The following CAD variants were observed in gnomAD, a reference collection of about 807,000 sequenced individuals.
CAD encodes the protein carbamoyl-phosphate synthetase 2, aspartate transcarbamylase, and dihydroorotase, also known as multifunctional protein CAD.
A neutral mutation model predicts 237.2 loss-of-function variants in CAD; 81 were observed. That is an observed-to-expected ratio of 0.34 (90% CI 0.29 to 0.41). The LOEUF (loss-of-function observed/expected upper bound fraction) is 0.41, where lower values mean the gene tolerates loss of function less well. CAD is among the 10% of genes least tolerant of loss of function. The pLI, the probability that CAD is intolerant of heterozygous loss-of-function variation, is 1.00. For missense variants in CAD, 2,181 were observed against 2,951.7 expected, an observed-to-expected ratio of 0.74 and a Z score of 6.05; for synonymous variants, 1,196 against 1,162.8, an observed-to-expected ratio of 1.03 and a Z score of -0.58.
chr2:27,232,821 G>T lies in CAD; in HGVS notation c.2892+127G>T. 8.0e-7 allele frequency: 1 copy of T among 1,244,458 alleles called. No homozygotes were observed. Among genetic ancestry groups the T allele is most frequent in the Non-Finnish European group, 1.1e-6 (1 of 873,696 alleles). The allele number at this position is 1,244,458 out of a possible 1,614,324, so 77.1% of individuals were successfully genotyped here. ...CTTTGGTCATAGAGCTTTGGGGTGG[G>T]GGTCCTTTTAGGCCATCTCTCATGC... On this transcript the variant is annotated intron_variant, in intron 18 of 43. Coordinates refer to ENST00000264705, the MANE Select transcript of CAD (RefSeq NM_004341.5). The surrounding 1 kb of genome is among the most constrained non-coding windows in gnomAD (Gnocchi z 4.1).
Position 27,223,730 on chromosome 2 carries a change from A to G in CAD, c.977A>G (p.Asn326Ser). The G allele has an allele frequency of 3.1e-6, 5 of 1,614,166 alleles. No individual in the cohort carries two copies. The highest frequency in any genetic ancestry group is 1.1e-5 in the South Asian group (1 of 91,088). Residue 326 changes from asparagine to serine, a missense_variant, in exon 7 of 44, where the codon AAC (asparagine) becomes AGC (serine). By Grantham distance (46) the Asn-to-Ser change is conservative. Around this residue, in one of 12 missense-constraint regions of CAD, gnomAD observed 129 missense variants for 143.3 expected, o/e 0.90. Coordinates refer to ENST00000264705, the MANE Select transcript of CAD (RefSeq NM_004341.5). The stretch of plus-strand genomic sequence containing the variant: ...GGTTCCAATGAAGGCATTGTGCACA[A>G]CAGCTTGCCTTTCTTCAGGTGAGCC... ...NDGSNEGIVHNSLPFFSVQFH... is the reference protein window; with the variant it reads ...NDGSNEGIVHSSLPFFSVQFH...
chr2:27,217,474 C>G lies in CAD; in HGVS notation c.-78C>G. The G allele has an allele frequency of 4.0e-6, 5 of 1,259,214 alleles. No homozygotes were observed. The highest frequency in any genetic ancestry group is 2.5e-5 in the South Asian group (2 of 78,504). The allele number at this position is 1,259,214 out of a possible 1,614,324, so 78.0% of individuals were successfully genotyped here. On this transcript the variant is annotated 5_prime_UTR_variant, in exon 1 of 44. Coordinates refer to ENST00000264705, the MANE Select transcript of CAD (RefSeq NM_004341.5). ...GCCACGTGGACCGACTCCGGCGCGC[C>G]GTCCTCACGTGGTTCCAGTGGAGTT...
At chr2:27,238,932 G>C (rs1487305236) in intron 31 of CAD, 110 bp from the exon 32 acceptor site, 1 of 1,048,890 alleles carries the variant, frequency 9.5e-7, no homozygotes, top group Non-Finnish European at 1.4e-6. Context: ...ATGAGCATTG[G>C]GAGTGGTAGT....
intron 16 of CAD, 114 bp downstream of exon 16, chr2:27,231,694 CTT>C (rs1381893095): frequency 1.4e-6 from 1 of 723,220 alleles, no homozygotes; most frequent in Non-Finnish European, 2.4e-6. Context: ...TGGACATTTG[CTT>C]TGTTTCCACT....
Position 27,231,963 on chromosome 2 carries a change from T to C in CAD, c.2401-17T>C, listed in dbSNP as rs753353588. 3.7e-6 allele frequency: 6 copies of C among 1,614,148 alleles called. No homozygotes were observed. Among genetic ancestry groups the C allele is most frequent in the South Asian group, 3.3e-5 (3 of 91,072 alleles). ...GGGCTGGCAGTAGCTTCCGTCTGTCTACCCCCTTTCTATCAGGAGTTGGAG... is the reference window on the plus strand; with the variant it reads ...GGGCTGGCAGTAGCTTCCGTCTGTCCACCCCCTTTCTATCAGGAGTTGGAG... On this transcript the variant is annotated splice_polypyrimidine_tract_variant and intron_variant, in intron 16 of 43. Transcript: ENST00000264705.
chr2:27,238,496 C>T lies in CAD; in HGVS notation c.4926C>T (p.His1642=). ...LPVTCEVAPH[H]LFLSHDDLER... is the part of the protein sequence containing the mutation. Reference sequence around the variant, plus strand: ...TGACCTGCGAGGTGGCTCCCCACCACCTGTTCCTAAGCCATGATGACCTGG... The same window carrying T: ...TGACCTGCGAGGTGGCTCCCCACCATCTGTTCCTAAGCCATGATGACCTGG... The change falls in exon 31 of 44, where the codon CAC becomes CAT. Residue 1642 remains histidine (H), a synonymous_variant. Transcript: ENST00000264705. 1 of 1,612,104 alleles carries T rather than the reference C, an allele frequency of 6.2e-7. No homozygotes were observed. The highest frequency in any genetic ancestry group is 8.5e-7 in the Non-Finnish European group (1 of 1,179,118).
chr2:27,236,691 T>G lies in CAD; in HGVS notation c.4315-58T>G, dbSNP rs1468517338. On this transcript the variant is annotated intron_variant, in intron 26 of 43. Transcript: ENST00000264705. The surrounding 1 kb of genome is among the most constrained non-coding windows in gnomAD (Gnocchi z 4.1). ...GCCTGGTTTATGGGAAAACCACATCTCTCCCTACAACTCCCAGGATCACCC... is the reference window on the plus strand; with the variant it reads ...GCCTGGTTTATGGGAAAACCACATCGCTCCCTACAACTCCCAGGATCACCC... 6.3e-7 allele frequency: 1 copy of G among 1,578,240 alleles called. No individual in the cohort carries two copies. Among genetic ancestry groups the G allele is most frequent in the South Asian group, 1.1e-5 (1 of 90,312 alleles).
chr2:27,234,215 C>G lies in CAD; in HGVS notation c.3607C>G (p.Leu1203Val). 6.2e-7 allele frequency: 1 copy of G among 1,613,950 alleles called. No homozygotes were observed. The highest frequency in any genetic ancestry group is 1.7e-5 in the Admixed American group (1 of 60,030). ...GGTCACAGGACCCTTCAATCTGCAG[C>G]TCATTGCCAAGGTAATAAGGCTAAA... ...LQVTGPFNLQ[L>V]IAKDDQLKVI... The change falls in exon 22 of 44, where the codon CTC becomes GTC. Residue 1203 changes from leucine to valine, a missense_variant. Physicochemically the swap from Leu to Val is conservative, Grantham distance 32 (BLOSUM62 1). Around this residue, in one of 12 missense-constraint regions of CAD, gnomAD observed 306 missense variants for 607.9 expected, o/e 0.50. Transcript: ENST00000264705.
In CAD at chr2:27,233,014, C is replaced by A; in HGVS notation, c.2893-28C>A. The stretch of plus-strand genomic sequence containing the variant: ...CCACGATTTTCCTCCCACCTGACTG[C>A]TAAGTACCCTTCCCCTCCCTCTTGC... On this transcript the variant is annotated intron_variant, in intron 18 of 43. Transcript: ENST00000264705. This position sits in a 1 kb window ranked among gnomAD's most constrained non-coding sequence, Gnocchi z 6.3. 1.4e-6 allele frequency: 2 copies of A among 1,453,124 alleles called. No homozygotes were observed. Among genetic ancestry groups the A allele is most frequent in the Non-Finnish European group, 1.9e-6 (2 of 1,033,108 alleles). 90.0% of individuals were successfully genotyped at this position (1,453,124 alleles called of 1,614,324 possible). A position where few individuals can be genotyped will look rare whatever the true frequency, so the allele number is the denominator to read the frequency against.
rs369246319 is a variant in CAD, at chr2:27,242,174, G to C, written c.6096+51G>C. On this transcript the variant is annotated intron_variant, in intron 39 of 43. Transcript: ENST00000264705. This position sits in a 1 kb window ranked among gnomAD's most constrained non-coding sequence, Gnocchi z 6.4. ...GGGGTTAAGAAGGCTGGACCCAGGG[G>C]CATGAGAACCCTTCTGCCCACGTTT... 4.9e-5 allele frequency: 78 copies of C among 1,597,512 alleles called. No homozygotes were observed. The highest frequency in any genetic ancestry group is 6.1e-5 in the Non-Finnish European group (71 of 1,169,114).
Position 27,241,272 on chromosome 2 carries a change from T to A in CAD, c.5808+45T>A, listed in dbSNP as rs1676301713. On this transcript the variant is annotated intron_variant, in intron 37 of 43. Transcript: ENST00000264705. This position sits in a 1 kb window ranked among gnomAD's most constrained non-coding sequence, Gnocchi z 4.6. ...TGGGACCACCCAGAGCTTTGAGGAT[T>A]TGGAAAGCTGGGGCTAGGACCTTTC... The A allele has an allele frequency of 6.2e-7, 1 of 1,613,554 alleles. No homozygotes were observed. The highest frequency in any genetic ancestry group is 1.1e-5 in the South Asian group (1 of 91,046).
intron 2 of CAD, among the ~76,000 whole-genome samples, chr2:27,220,132 T>A (rs1473729109): frequency 1.3e-5 from 2 of 152,222 alleles, no homozygotes; most frequent in Non-Finnish European, 2.9e-5. Context: ...TCTCAGCATC[T>A]TTTGCAATGC....
At position 27,234,710 on chromosome 2, in the gene CAD, G is replaced by A. The variant is rs1445163996; in HGVS notation, c.3786+25G>A. The A allele has an allele frequency of 5.0e-6, 8 of 1,603,632 alleles. No homozygotes were observed. In the East Asian group the frequency reaches 1.1e-4, roughly 22 times the overall value. The stretch of plus-strand genomic sequence containing the variant: ...GGTAAGGAATATCGAAACCCTTGGG[G>A]TTAGCAGAAAAATAGCGGGAGAGAG... On this transcript the variant is annotated intron_variant, in intron 23 of 43. Coordinates refer to ENST00000264705, the MANE Select transcript of CAD (RefSeq NM_004341.5).
rs781745456 is a variant in CAD at position 27,223,939 on chromosome 2, C to A, written c.1018C>A (p.Gln340Lys). 1.2e-6 allele frequency: 2 copies of A among 1,613,644 alleles called. No homozygotes were observed. The highest frequency in any genetic ancestry group is 4.5e-5 in the East Asian group (2 of 44,866). ...TAGTGTCCAGTTTCACCCAGAGCAC[C>A]AAGCTGGCCCTTCAGATATGGAACT... ...FFSVQFHPEHQAGPSDMELLF... is the reference protein window; with the variant it reads ...FFSVQFHPEHKAGPSDMELLF... Residue 340 changes from glutamine (Q) to lysine (K), a missense_variant, in exon 8 of 44, where the codon CAA becomes AAA. Physicochemically the swap from Gln to Lys is moderately conservative, Grantham distance 53. Transcript: ENST00000264705.
In CAD at chr2:27,237,876, G is replaced by A. The variant is rs966829202; in HGVS notation, c.4722G>A (p.Trp1574Ter). 6.2e-7 allele frequency: 1 copy of A among 1,610,260 alleles called. No homozygotes were observed. The change falls in exon 29 of 44, where the codon TGG becomes TGA. Residue 1574 changes from tryptophan (W) to a stop codon, truncating the protein, a stop_gained. Transcript: ENST00000264705. LOFTEE classifies it high-confidence loss of function. The surrounding 1 kb of genome is among the most constrained non-coding windows in gnomAD (Gnocchi z 4.0). ...TGCGGCTGGACAGCGTGGTCCAGTGGATGGAGGTAGGGAGTGTGCATGTGG... is the reference window on the plus strand; with the variant it reads ...TGCGGCTGGACAGCGTGGTCCAGTGAATGGAGGTAGGGAGTGTGCATGTGG... ...SELRLDSVVQ[W>*]MEHFETWPSH... is the part of the protein sequence containing the mutation.
chr2:27,222,745 A>G, intron 5 of CAD, 85 bp downstream of exon 5: 1 of 1,580,108 alleles, frequency 6.3e-7, no homozygotes, highest in Non-Finnish European at 8.6e-7. Flanking sequence ...AAAAGTCAGT[A>G]GGAGTTGCAG....
chr2:27,219,879 G>A (rs998345987), intron 2 of CAD, among the ~76,000 whole-genome samples: 64 of 152,174 alleles, frequency 4.2e-4, no homozygotes, highest in African/African-American at 1.4e-3. Context: ...GTGAGCCACC[G>A]CGCCTGGCCT....
At chr2:27,224,285 C>A in intron 8 of CAD, 60 bp from the exon 9 acceptor site, 1 of 1,581,280 alleles carries the variant, frequency 6.3e-7, no homozygotes. Context: ...GGAGCTAATC[C>A]AGTTGACCTC....
At chr2:27,243,047 CT>C in intron 42 of CAD, 74 bp downstream of exon 42, 2 of 1,396,686 alleles carry the variant, frequency 1.4e-6, no homozygotes, top group East Asian at 4.6e-5. Flanking sequence ...AAAGGCTGGG[CT>C]GAGGGCTGGG....
Sources: gnomAD v4.1 joint callset for allele counts (sites outside exome capture counted in the v4.1 genomes callset) on GRCh38, gnomAD v4.1.1 for gene constraint, gnomAD v4.1.1 regional missense constraint, Gnocchi (gnomAD v3.1) non-coding constraint, MANE v1.5 for transcripts, NCBI Gene and HGNC (gene_info 2026-07-23, HGNC 2026-07-21) for gene names.